Variants in KIF19 observed in about 807,000 individuals in gnomAD.
The protein encoded by KIF19 is kinesin-like protein KIF19.
A neutral mutation model predicts 106.6 loss-of-function variants in KIF19; 98 were observed. The ratio of observed to expected loss-of-function variants is 0.92; its 90% CI spans 0.78 to 1.09. KIF19 has a LOEUF of 1.09. Among genes scored for constraint, KIF19 ranks in the 50% least tolerant of loss-of-function variants. The pLI, the probability that KIF19 is intolerant of heterozygous loss-of-function variation, is 0.00. For missense variants in KIF19, 1,373 were observed against 1,414.3 expected (o/e 0.97, Z 0.47); for synonymous variants, 516 against 584.2 (o/e 0.88, Z 1.68).
At chr17:74,326,465 C>A in intron 1 of KIF19, 77 bp downstream of exon 1, 5 of 1,390,358 alleles carry the variant, frequency 3.6e-6, no homozygotes, top group Non-Finnish European at 5.1e-6. Context: ...AGAGTCCTGT[C>A]CCCTCGCCGC....
intron 18 of KIF19, 91 bp downstream of exon 18, chr17:74,354,650 C>G: frequency 2.0e-6 from 3 of 1,529,286 alleles, no homozygotes; most frequent in Non-Finnish European, 1.8e-6. Flanking sequence ...CAGGGCACCT[C>G]TAGCCTACCC....
chr17:74,329,363 G>C (rs548773665), intron 2 of KIF19: 2 of 151,358 alleles, frequency 1.3e-5, no homozygotes, highest in South Asian at 2.1e-4. Flanking sequence ...CAGGATAATC[G>C]CTTAAACCCA....
intron 1 of KIF19, among the ~76,000 whole-genome samples, chr17:74,327,636 C>T (rs1045694271): frequency 1.3e-5 from 2 of 152,198 alleles, no homozygotes; most frequent in Admixed American, 1.3e-4. Flanking sequence ...CCACGCCCAG[C>T]TAATTTTTGT....
At chr17:74,342,785 A>T (rs1233877377) in intron 4 of KIF19, 68 bp downstream of exon 4, 10 of 1,432,244 alleles carry the variant, frequency 7.0e-6, no homozygotes, top group African/African-American at 1.4e-5. Flanking sequence ...CCCTCCAACT[A>T]GTCTGACCCC....
chr17:74,346,602 C>T lies in KIF19; in HGVS notation c.924+78C>T. On this transcript the variant is annotated intron_variant, in intron 8 of 19. Transcript: ENST00000389916. This position sits in a 1 kb window ranked among gnomAD's most constrained non-coding sequence, Gnocchi z 4.6. Reference sequence around the variant, plus strand: ...ATTAAACAAATGAAAATACAGGGCACCCAGCTAAATTCCAACCTCAGGATA... The same window carrying T: ...ATTAAACAAATGAAAATACAGGGCATCCAGCTAAATTCCAACCTCAGGATA... 1 of 1,392,476 alleles carries T rather than the reference C, an allele frequency of 7.2e-7. No individual in the cohort carries two copies. Among genetic ancestry groups the T allele is most frequent in the South Asian group, 1.3e-5 (1 of 75,126 alleles). 86.3% of individuals were successfully genotyped at this position (1,392,476 alleles called of 1,614,324 possible). A position where few individuals can be genotyped will look rare whatever the true frequency, so the allele number is the denominator to read the frequency against.
Position 74,328,265 on chromosome 17 carries a change from C to G in KIF19, c.40-160C>G, listed in dbSNP as rs566431853. On this transcript the variant is annotated intron_variant, in intron 1 of 19. Coordinates refer to ENST00000389916, the MANE Select transcript of KIF19 (RefSeq NM_153209.4). Reference sequence around the variant, plus strand: ...ATCAACTCAGACACAGTCCAACACTCTGTGGACCTGCTGCCCTCTGACCTA... The same window carrying G: ...ATCAACTCAGACACAGTCCAACACTGTGTGGACCTGCTGCCCTCTGACCTA... 2.6e-5 allele frequency among the ~76,000 whole-genome samples: 4 copies of G among 152,310 alleles called. No homozygotes were observed. In the South Asian group the frequency reaches 8.3e-4, roughly 32 times the overall value.
intron 2 of KIF19, among the ~76,000 whole-genome samples, chr17:74,336,979 C>T (rs1031538790): frequency 6.6e-6 from 1 of 152,178 alleles, no homozygotes; most frequent in Non-Finnish European, 1.5e-5. Context: ...GCGCGTGCCA[C>T]CATGCCCGGC....
At chr17:74,328,283 C>G (rs898268694) in intron 1 of KIF19, 142 bp from the exon 2 acceptor site, 1 of 683,122 alleles carries the variant, frequency 1.5e-6, no homozygotes, top group African/African-American at 1.8e-5. Flanking sequence ...CTGCTGCCCT[C>G]TGACCTAGGT....
chr17:74,354,233 GGAACCGAGGGGC>G lies in KIF19; in HGVS notation c.2383_2394del (p.Thr795_Arg798del), dbSNP rs2054808116. 1 of 1,608,584 alleles carries G rather than the reference GGAACCGAGGGGC, an allele frequency of 6.2e-7. No individual in the cohort carries two copies. The highest frequency in any genetic ancestry group is 1.3e-5 in the African/African-American group (1 of 74,930). The stretch of plus-strand genomic sequence containing the variant: ...CGCCCGGCGGCGCTCGCGGGCCCTG[GGAACCGAGGGGC>G]GACACCTGCTGGCACCCGCGACAGA... On this transcript the variant is annotated inframe_deletion, in exon 18 of 20. Coordinates refer to ENST00000389916, the MANE Select transcript of KIF19 (RefSeq NM_153209.4).
At chr17:74,354,007 C>A (rs927938238) in intron 17 of KIF19, among the ~76,000 whole-genome samples, 155 bp from the exon 18 acceptor site, 1 of 152,216 alleles carries the variant, frequency 6.6e-6, no homozygotes, top group African/African-American at 2.4e-5. Flanking sequence ...AAGTGAGGCT[C>A]GGAAATGGGC....
intron 2 of KIF19, among the ~76,000 whole-genome samples, chr17:74,335,755 G>T (rs1049141922): frequency 6.6e-6 from 1 of 152,264 alleles, no homozygotes; most frequent in Non-Finnish European, 1.5e-5. Flanking sequence ...AAACCTCCCA[G>T]AGACAGGCAC....
At position 74,354,822 on chromosome 17, in the gene KIF19, C is replaced by T. The variant is rs201886060; in HGVS notation, c.2747C>T (p.Ala916Val). ...ACACACCTCCTGGGGCCCCATCAGG[C>T]GGAGCGCATCTCGGACCACAGGATG... Reference protein sequence around the residue: ...PKTHLLGPHQAERISDHRMPV... With the variant: ...PKTHLLGPHQVERISDHRMPV... Residue 916 changes from alanine to valine, a missense_variant, in exon 19 of 20, where the codon GCG becomes GTG. Physicochemically the swap from Ala to Val is moderately conservative, Grantham distance 64. Around this residue, in one of 3 missense-constraint regions of KIF19, gnomAD observed 1,020 missense variants for 1,008.2 expected, o/e 1.01. Coordinates refer to ENST00000389916, the MANE Select transcript of KIF19 (RefSeq NM_153209.4). 85 of 1,560,102 alleles carry T rather than the reference C, an allele frequency of 5.4e-5. No individual in the cohort carries two copies. Among genetic ancestry groups the T allele is most frequent in the South Asian group, 7.1e-5 (6 of 84,480 alleles).
rs1279985516 is a variant in KIF19, at chr17:74,343,080, C to T, written c.376C>T (p.Gln126Ter). The part of the protein sequence containing the change: ...GTDQEPGIYV[Q>*]TLNDLFRAIE... Reference sequence around the variant, plus strand: ...AGACCAGGAGCCTGGCATCTATGTTCAGACCCTCAACGACCTCTTCCGTGC... The same window carrying T: ...AGACCAGGAGCCTGGCATCTATGTTTAGACCCTCAACGACCTCTTCCGTGC... Residue 126 changes from glutamine (Q) to a stop codon, truncating the protein, a stop_gained, in exon 5 of 20, where the codon CAG (glutamine) becomes TAG (stop). Transcript: ENST00000389916. LOFTEE classifies it high-confidence loss of function. 6.2e-7 allele frequency: 1 copy of T among 1,613,030 alleles called. No homozygotes were observed. Among genetic ancestry groups the T allele is most frequent in the East Asian group, 2.2e-5 (1 of 44,878 alleles).
Position 74,331,518 on chromosome 17 carries a change from G to C in KIF19, c.120+3013G>C, listed in dbSNP as rs1263650133. Among the ~76,000 whole-genome samples the C allele has an allele frequency of 6.6e-6, 1 of 152,140 alleles. No homozygotes were observed. The highest frequency in any genetic ancestry group is 2.1e-4 in the South Asian group (1 of 4,836). Reference sequence around the variant, plus strand: ...AAGGGGACATTCCCACAGGCGGAGAGTCCTCTGGGACAGGAACCCAGGGTG... The same window carrying C: ...AAGGGGACATTCCCACAGGCGGAGACTCCTCTGGGACAGGAACCCAGGGTG... On this transcript the variant is annotated intron_variant, in intron 2 of 19. Transcript: ENST00000389916. The surrounding 1 kb of genome is among the most constrained non-coding windows in gnomAD (Gnocchi z 4.1).
chr17:74,350,842 G>T lies in KIF19; in HGVS notation c.1524G>T (p.Val508=). The part of the protein sequence containing the change: ...DQPDILEPPE[V]AAARESIAAL... ...CAGACATCCTGGAGCCACCCGAGGT[G>T]GCCGCAGCCCGGGAGAGCATTGCAG... The change falls in exon 12 of 20, where the codon GTG becomes GTT. Residue 508 remains valine, a synonymous_variant. Coordinates refer to ENST00000389916, the MANE Select transcript of KIF19 (RefSeq NM_153209.4). The T allele has an allele frequency of 6.2e-7, 1 of 1,614,038 alleles. No individual in the cohort carries two copies. Among genetic ancestry groups the T allele is most frequent in the Non-Finnish European group, 8.5e-7 (1 of 1,179,906 alleles).
chr17:74,338,774 C>T lies in KIF19; in HGVS notation c.121-3102C>T, dbSNP rs188086118. 9.2e-5 allele frequency among the ~76,000 whole-genome samples: 14 copies of T among 152,014 alleles called. 1 individual carries two copies. Among genetic ancestry groups the T allele is most frequent in the Admixed American group, 2.0e-4 (3 of 15,290 alleles). On this transcript the variant is annotated intron_variant, in intron 2 of 19. Transcript: ENST00000389916. ...CTCCTGGGACTGGGCATTCTAAATC[C>T]GCAAGCTCGATCTGGGTGGACCCAG... is the stretch of plus-strand genomic sequence containing the variant.
At chr17:74,350,641 T>A in intron 11 of KIF19, 66 bp downstream of exon 11, 1 of 1,610,180 alleles carries the variant, frequency 6.2e-7, no homozygotes, top group African/African-American at 1.3e-5. Context: ...GCACGACCTG[T>A]GGCTGTACAG....
At chr17:74,342,162 C>T (rs1322838973) in intron 3 of KIF19, among the ~76,000 whole-genome samples, 176 bp downstream of exon 3, 8 of 152,190 alleles carry the variant, frequency 5.3e-5, no homozygotes, top group African/African-American at 1.9e-4. Flanking sequence ...AAGGCACACA[C>T]ACCCGGCCTC....
At chr17:74,355,109 G>A in intron 19 of KIF19, 73 bp from the exon 20 acceptor site, 1 of 1,549,654 alleles carries the variant, frequency 6.5e-7, no homozygotes, top group Non-Finnish European at 8.7e-7. Context: ...GAGAGTTCAA[G>A]GCCACTGGGT....
Sources: gnomAD v4.1 joint callset for allele counts (sites outside exome capture counted in the v4.1 genomes callset) on GRCh38, gnomAD v4.1.1 for gene constraint, gnomAD v4.1.1 regional missense constraint, Gnocchi (gnomAD v3.1) non-coding constraint, MANE v1.5 for transcripts, NCBI Gene and HGNC (gene_info 2026-07-23, HGNC 2026-07-21) for gene names.